Variants in MDN1 observed in about 807,000 individuals in gnomAD.
MDN1 encodes the protein midasin.
MDN1 carries 266 observed loss-of-function variants against 669.2 expected under a neutral mutation model. The ratio of observed to expected loss-of-function variants is 0.40; its 90% CI spans 0.36 to 0.44. MDN1 has a LOEUF of 0.44. Ranked by LOEUF, MDN1 falls within the 20% of genes least tolerant of loss-of-function variation. The pLI, the probability that MDN1 is intolerant of heterozygous loss-of-function variation, is 1.00. For synonymous variants in MDN1, 2,385 were observed against 2,457.1 expected, an observed-to-expected ratio of 0.97 and a Z score of 0.87; for missense variants, 5,940 against 6,754.0, an observed-to-expected ratio of 0.88 and a Z score of 4.22.
chr6:89,709,519 T>C (rs1813741280), intron 50 of MDN1, among the ~76,000 whole-genome samples: 1 of 152,236 alleles, frequency 6.6e-6, no homozygotes. Flanking sequence ...TGGAAAGCCA[T>C]GCCTTAGTTC....
At chr6:89,676,529 G>A (rs1692318495) in intron 76 of MDN1, among the ~76,000 whole-genome samples, 1 of 152,160 alleles carries the variant, frequency 6.6e-6, no homozygotes, top group African/African-American at 2.4e-5. Context: ...GGACAGCCAA[G>A]CATACAATGA....
Position 89,655,760 on chromosome 6 carries a change from G to GT in MDN1, c.15490+3dup, listed in dbSNP as rs1562040044. On this transcript the variant is annotated splice_donor_region_variant and intron_variant, in intron 92 of 101. Coordinates refer to ENST00000369393, the MANE Select transcript of MDN1 (RefSeq NM_014611.3). The stretch of plus-strand genomic sequence containing the variant: ...CAAAGGCAGCAGCTTTCCCAGGACC[G>GT]TACCATAGGTCTGTGCATCGTATGC... 3 of 1,596,726 alleles carry GT rather than the reference G, an allele frequency of 1.9e-6. No homozygotes were observed. The Admixed American group carries it at 5.2e-5, about 28-fold the overall frequency.
At chr6:89,740,876 A>G (rs1487545128) in intron 31 of MDN1, among the ~76,000 whole-genome samples, 1 of 152,230 alleles carries the variant, frequency 6.6e-6, no homozygotes, top group Non-Finnish European at 1.5e-5. Context: ...CAAAAAAGAG[A>G]TTAATCAGAA....
chr6:89,786,436 T>C (rs1170491093), intron 8 of MDN1, among the ~76,000 whole-genome samples: 1 of 151,120 alleles, frequency 6.6e-6, no homozygotes, highest in Non-Finnish European at 1.5e-5. Flanking sequence ...AAAATAATAA[T>C]AATAATAAAA....
intron 100 of MDN1, 152 bp from the exon 101 acceptor site, chr6:89,645,309 C>T (rs1305078656): frequency 1.3e-6 from 1 of 748,822 alleles, no homozygotes; most frequent in Non-Finnish European, 2.0e-6. Context: ...GGGCACAAAC[C>T]TAAGGGACCT....
intron 24 of MDN1, among the ~76,000 whole-genome samples, chr6:89,750,106 G>C (rs73756414): frequency 6.6e-6 from 1 of 152,100 alleles, no homozygotes; most frequent in Admixed American, 6.5e-5. Flanking sequence ...AGAAAATAAA[G>C]CAGCAGTTCA....
At chr6:89,690,649 C>T (rs201809178) in intron 64 of MDN1, 24 bp downstream of exon 64, 76 of 1,612,770 alleles carry the variant, frequency 4.7e-5, no homozygotes, top group Non-Finnish European at 1.0e-5. Flanking sequence ...CATTCCAAAA[C>T]ACACCCTGCC....
rs772571710 is a variant in MDN1, at chr6:89,662,793, T to G, written c.14411A>C (p.Glu4804Ala). Residue 4804 changes from glutamate (E) to alanine (A), a missense_variant and splice_region_variant, in exon 86 of 102, where the codon GAG becomes GCG. Physicochemically the swap from Glu to Ala is moderately radical, Grantham distance 107 (BLOSUM62 -1). Transcript: ENST00000369393. ...GGAGGGGAGAAATCTTTGAATTACC[T>G]CATCCATTCCTGGTCCTGTTTCTTC... ...KTEETGPGMD[E>A]EDSELVAKDD... The G allele has an allele frequency of 3.7e-6, 6 of 1,614,094 alleles. No homozygotes were observed. In the Admixed American group the frequency reaches 8.3e-5, roughly 22 times the overall value.
chr6:89,813,366 A>G (rs542294462), intron 1 of MDN1, among the ~76,000 whole-genome samples: 50 of 152,244 alleles, frequency 3.3e-4, no homozygotes, highest in African/African-American at 1.2e-3. Flanking sequence ...CCTGGCCAAC[A>G]TGGCAAAACC....
At chr6:89,651,357 A>T (rs1808854926) in intron 95 of MDN1, among the ~76,000 whole-genome samples, 1 of 147,932 alleles carries the variant, frequency 6.8e-6, no homozygotes, top group African/African-American at 2.5e-5. Context: ...AAAAGAAAAA[A>T]GTTGGCCCGT....
rs767606792 is a variant in MDN1, at chr6:89,701,906, G to T, written c.8304C>A (p.Asp2768Glu). The T allele has an allele frequency of 5.0e-5, 80 of 1,609,870 alleles. No homozygotes were observed. In the Middle Eastern group the frequency reaches 9.9e-4, roughly 20 times the overall value. Residue 2768 changes from aspartate to glutamate, a missense_variant and splice_region_variant, in exon 54 of 102, where the codon GAC becomes GAA. Coordinates refer to ENST00000369393, the MANE Select transcript of MDN1 (RefSeq NM_014611.3). The stretch of plus-strand genomic sequence containing the variant: ...ATTACTCTAAATATGAATCTTACTT[G>T]TCTTCATAATTCATCAGAAGTCGGG... The part of the protein sequence containing the change: ...QIPRLLMNYE[D>E]KYYKEVQTVS...
chr6:89,727,698 G>A, intron 37 of MDN1, 135 bp downstream of exon 37: 1 of 1,397,538 alleles, frequency 7.2e-7, no homozygotes, highest in Non-Finnish European at 9.8e-7. Flanking sequence ...GAAAACTACA[G>A]AGGATCTTTT....
In MDN1 at chr6:89,803,510, T is replaced by C. The variant is rs1237560595; in HGVS notation, c.147A>G (p.Ala49=). 1.2e-6 allele frequency: 2 copies of C among 1,613,808 alleles called. No individual in the cohort carries two copies. Among genetic ancestry groups the C allele is most frequent in the Admixed American group, 1.7e-5 (1 of 59,980 alleles). The change falls in exon 2 of 102, where the codon GCA becomes GCG. Residue 49 remains alanine, a synonymous_variant. Coordinates refer to ENST00000369393, the MANE Select transcript of MDN1 (RefSeq NM_014611.3). Reference sequence around the variant, plus strand: ...TACAGTCCTTATCCAAAAGCAACTGTGCTAAGGTACTCAGGACACACTGGC... The same window carrying C: ...TACAGTCCTTATCCAAAAGCAACTGCGCTAAGGTACTCAGGACACACTGGC... ...QDRQCVLSTL[A]QLLLDKDCTV...
intron 84 of MDN1, among the ~76,000 whole-genome samples, chr6:89,666,340 A>C (rs1810227358): frequency 6.6e-6 from 1 of 152,164 alleles, no homozygotes; most frequent in Admixed American, 6.5e-5. Context: ...ATCTTGGCCC[A>C]CTGCAACCTC....
At chr6:89,660,217 G>A (rs750212270) in intron 88 of MDN1, among the ~76,000 whole-genome samples, 5 of 152,030 alleles carry the variant, frequency 3.3e-5, no homozygotes, top group Non-Finnish European at 7.4e-5. Context: ...ACAGAGTCTC[G>A]TTCTGTCACC....
At chr6:89,750,916 GT>G (rs11407843) in intron 23 of MDN1, among the ~76,000 whole-genome samples, 4 of 148,744 alleles carry the variant, frequency 2.7e-5, no homozygotes, top group South Asian at 2.1e-4. Context: ...TATTATTTTG[GT>G]TTTTTTTTTT....
In MDN1 at chr6:89,678,645, T is replaced by G. The variant is rs748550859; in HGVS notation, c.12366A>C (p.Gln4122His). The change falls in exon 75 of 102, where the codon CAA (glutamine) becomes CAC (histidine). Residue 4122 changes from glutamine to histidine, a missense_variant. Transcript: ENST00000369393. ...AGAGGTCTGACAAAGCTCGCTGTTT[T>G]TGCATGAGAATGTGCTTGGCTTCTG... ...QRSEAKHILM[Q>H]KQRALSDLFK... 10 of 1,614,210 alleles carry G rather than the reference T, an allele frequency of 6.2e-6. No homozygotes were observed. Among genetic ancestry groups the G allele is most frequent in the Non-Finnish European group, 5.9e-6 (7 of 1,180,026 alleles).
At chr6:89,656,627 TA>T (rs1554166244) in intron 91 of MDN1, 72 bp downstream of exon 91, 143 of 1,011,470 alleles carry the variant, frequency 1.4e-4, no homozygotes, top group South Asian at 2.5e-4. Context: ...TTTTTTTTTT[TA>T]AAGCACTACG....
At chr6:89,814,487 G>C (rs568576485) in intron 1 of MDN1, among the ~76,000 whole-genome samples, 1 of 150,870 alleles carries the variant, frequency 6.6e-6, no homozygotes, top group East Asian at 2.0e-4. Flanking sequence ...GCCTCCAACA[G>C]TGCTGTGATG....
Sources: allele counts gnomAD v4.1 joint callset (sites outside exome capture counted in the v4.1 genomes callset), GRCh38; gene constraint gnomAD v4.1.1; transcripts MANE v1.5; gene names NCBI Gene and HGNC (gene_info 2026-07-23, HGNC 2026-07-21).